ADAMTSL3: variants seen among roughly 807,000 people sequenced by gnomAD.
ADAMTSL3 encodes the protein ADAMTS like 3.
Under a neutral mutation model 201.7 loss-of-function variants are expected in ADAMTSL3, and 128 were observed. The ratio of observed to expected loss-of-function variants is 0.63; its 90% CI spans 0.55 to 0.73. ADAMTSL3 has a LOEUF of 0.73. Ranked by LOEUF, ADAMTSL3 falls within the 30% of genes least tolerant of loss-of-function variation. The pLI is 0.00. For missense variants in ADAMTSL3, 1,990 were observed against 2,119.6 expected (o/e 0.94, Z 1.20); for synonymous variants, 738 against 748.4 (o/e 0.99, Z 0.23).
At chr15:84,033,379 G>C (rs1233984882) in intron 28 of ADAMTSL3, among the ~76,000 whole-genome samples, 4 of 152,170 alleles carry the variant, frequency 2.6e-5, no homozygotes, top group Non-Finnish European at 5.9e-5. Context: ...CCACATGCTT[G>C]GCTGGGCATG....
chr15:84,038,013 T>C lies in ADAMTSL3; in HGVS notation c.*207T>C, dbSNP rs1436010052. 1.4e-6 allele frequency: 1 copy of C among 736,280 alleles called. No homozygotes were observed. Among genetic ancestry groups the C allele is most frequent in the African/African-American group, 1.8e-5 (1 of 56,232 alleles). 45.6% of individuals were successfully genotyped at this position (736,280 alleles called of 1,614,324 possible). On this transcript the variant is annotated 3_prime_UTR_variant, in exon 30 of 30. Coordinates refer to ENST00000286744, the MANE Select transcript of ADAMTSL3 (RefSeq NM_207517.3). Reference sequence around the variant, plus strand: ...TATTCCAATTTTTTAAAATGATGTATTCAAGGATGAACAAAATACTATAGC... The same window carrying C: ...TATTCCAATTTTTTAAAATGATGTACTCAAGGATGAACAAAATACTATAGC...
intron 3 of ADAMTSL3, among the ~76,000 whole-genome samples, chr15:83,718,635 G>A (rs1217445614): frequency 6.7e-6 from 1 of 149,594 alleles, no homozygotes; most frequent in Non-Finnish European, 1.5e-5. Flanking sequence ...AGGTTGCCGC[G>A]AGCTGAGATC....
Position 83,943,050 on chromosome 15 carries a change from C to G in ADAMTSL3, c.2458C>G (p.Pro820Ala). ...CAAGTCCTGTGCCAGGACAGACTGT[C>G]CTCCACATTTAGCTGTGGGAGACTG... Reference protein sequence around the residue: ...SHKSCARTDCPPHLAVGDWSK... With the variant: ...SHKSCARTDCAPHLAVGDWSK... The change falls in exon 19 of 30, where the codon CCT becomes GCT. Residue 820 changes from proline to alanine, a missense_variant. Pro to Ala is a conservative substitution (Grantham distance 27). Transcript: ENST00000286744. The G allele has an allele frequency of 6.2e-7, 1 of 1,613,696 alleles. No homozygotes were observed. Among genetic ancestry groups the G allele is most frequent in the Non-Finnish European group, 8.5e-7 (1 of 1,179,786 alleles).
At chr15:83,847,496 T>A (rs1179259823) in intron 7 of ADAMTSL3, among the ~76,000 whole-genome samples, 1 of 55,740 alleles carries the variant, frequency 1.8e-5, no homozygotes, top group Non-Finnish European at 2.8e-5. Flanking sequence ...GCCAGGTAAC[T>A]TTTTTTTTTT....
chr15:84,034,963 C>T (rs1201477988), intron 28 of ADAMTSL3, among the ~76,000 whole-genome samples: 1 of 152,202 alleles, frequency 6.6e-6, no homozygotes, highest in African/African-American at 2.4e-5. Flanking sequence ...ACTGCATTCA[C>T]CTGGCTCAGG....
intron 4 of ADAMTSL3, 74 bp downstream of exon 4, chr15:83,773,724 C>A: frequency 6.7e-7 from 1 of 1,501,882 alleles, no homozygotes; most frequent in Non-Finnish European, 8.9e-7. Flanking sequence ...GGAGAGATAA[C>A]TTTATATGGC....
intron 2 of ADAMTSL3, among the ~76,000 whole-genome samples, chr15:83,671,990 C>T (rs922926155): frequency 2.6e-5 from 4 of 152,190 alleles, no homozygotes; most frequent in East Asian, 1.9e-4. Flanking sequence ...CTTTGTGCAA[C>T]AAGCATTTCT....
chr15:84,013,833 A>G (rs967522341), intron 23 of ADAMTSL3, among the ~76,000 whole-genome samples: 6 of 152,208 alleles, frequency 3.9e-5, no homozygotes, highest in African/African-American at 1.4e-4. Flanking sequence ...TGAATCTTAA[A>G]TTCCAAAGCC....
chr15:83,705,776 G>A (rs905069750), intron 3 of ADAMTSL3, among the ~76,000 whole-genome samples: 2 of 152,176 alleles, frequency 1.3e-5, no homozygotes, highest in African/African-American at 4.8e-5. Context: ...TCCAGAGCTG[G>A]GACTGGGGTG....
chr15:84,034,040 C>T (rs892284955), intron 28 of ADAMTSL3, among the ~76,000 whole-genome samples: 4 of 152,044 alleles, frequency 2.6e-5, no homozygotes, highest in Non-Finnish European at 5.9e-5. Flanking sequence ...ATTTCTGTTT[C>T]CTCCAGGATT....
intron 3 of ADAMTSL3, among the ~76,000 whole-genome samples, chr15:83,767,529 TGG>T (rs923356351): frequency 1.4e-4 from 22 of 152,346 alleles, no homozygotes; most frequent in African/African-American, 5.1e-4. Flanking sequence ...GACATTCACC[TGG>T]GTTACAATCA....
intron 20 of ADAMTSL3, 65 bp from the exon 21 acceptor site, chr15:83,982,207 CA>C (rs2067395305): frequency 7.6e-7 from 1 of 1,309,616 alleles, no homozygotes; most frequent in African/African-American, 1.5e-5. Context: ...AGATTACTGT[CA>C]AAAAGTCTGT....
intron 3 of ADAMTSL3, among the ~76,000 whole-genome samples, chr15:83,722,991 C>T (rs1473618750): frequency 2.6e-5 from 4 of 152,014 alleles, no homozygotes. Flanking sequence ...ATGGATTTAA[C>T]TACATAGAAG....
At chr15:83,954,538 T>A (rs1252698556) in intron 19 of ADAMTSL3, among the ~76,000 whole-genome samples, 1 of 152,222 alleles carries the variant, frequency 6.6e-6, no homozygotes, top group African/African-American at 2.4e-5. Context: ...CTGATGTAGT[T>A]CATTTGGTGA....
At chr15:83,698,444 G>A (rs1247957212) in intron 2 of ADAMTSL3, among the ~76,000 whole-genome samples, 1 of 152,204 alleles carries the variant, frequency 6.6e-6, no homozygotes, top group East Asian at 1.9e-4. Context: ...TGGTGACTCA[G>A]CAGCTGTGGA....
At chr15:83,823,290 C>T (rs2063927982) in intron 6 of ADAMTSL3, among the ~76,000 whole-genome samples, 1 of 151,932 alleles carries the variant, frequency 6.6e-6, no homozygotes, top group African/African-American at 2.4e-5. Flanking sequence ...TTTCACCTAC[C>T]CTATTCTGCT....
At chr15:83,665,033 A>G (rs959713836) in intron 2 of ADAMTSL3, among the ~76,000 whole-genome samples, 29 of 152,190 alleles carry the variant, frequency 1.9e-4, no homozygotes, top group Non-Finnish European at 2.6e-4. Flanking sequence ...CCATTGGACC[A>G]TGGGGACACA....
At chr15:84,036,479 T>A (rs2068508052) in intron 28 of ADAMTSL3, among the ~76,000 whole-genome samples, 1 of 152,232 alleles carries the variant, frequency 6.6e-6, no homozygotes, top group Non-Finnish European at 1.5e-5. Flanking sequence ...CTAGTCAGGA[T>A]GTGTGTGCCT....
intron 4 of ADAMTSL3, among the ~76,000 whole-genome samples, chr15:83,781,531 A>G (rs1161494625): frequency 6.6e-6 from 1 of 152,226 alleles, no homozygotes; most frequent in Non-Finnish European, 1.5e-5. Context: ...ACCATTATGG[A>G]CATTGGAATG....
Sources: allele counts gnomAD v4.1 joint callset (sites outside exome capture counted in the v4.1 genomes callset), GRCh38; gene constraint gnomAD v4.1.1; transcripts MANE v1.5; gene names NCBI Gene and HGNC (gene_info 2026-07-23, HGNC 2026-07-21).